IGSF9B: variants seen among roughly 807,000 people sequenced by gnomAD.
IGSF9B encodes the protein immunoglobulin superfamily member 9B.
In IGSF9B, 48 loss-of-function variants were observed where a neutral mutation model predicts 143.7. The observed-to-expected ratio is 0.33, with a 90% CI of 0.26 to 0.42. IGSF9B has a LOEUF of 0.42. Ranked by LOEUF, IGSF9B falls within the 20% of genes least tolerant of loss-of-function variation. The pLI is 1.00. For missense variants in IGSF9B, 1,706 were observed against 1,980.0 expected (o/e 0.86, Z 2.63); for synonymous variants, 903 against 833.1 (o/e 1.08, Z -1.44).
Position 133,926,960 on chromosome 11 carries a change from A to G in IGSF9B, c.1763T>C (p.Leu588Pro). The change falls in exon 13 of 20, where the codon CTG (leucine) becomes CCG (proline). Residue 588 changes from leucine (L) to proline (P), a missense_variant. By Grantham distance (98) the Leu-to-Pro change is moderately conservative. Transcript: ENST00000533871. ...CACCTCACTGAAGGCGCTGGTTCCC[A>G]GCTTGTTCTGGGCCAGGACGCTGAA... ...YQFSVLAQNKLGTSAFSEVVT... is the reference protein window; with the variant it reads ...YQFSVLAQNKPGTSAFSEVVT... 1 of 1,597,868 alleles carries G rather than the reference A, an allele frequency of 6.3e-7. No homozygotes were observed. Among genetic ancestry groups the G allele is most frequent in the East Asian group, 2.3e-5 (1 of 44,050 alleles).
At chr11:133,951,316 C>T (rs1158245190) in intron 1 of IGSF9B, among the ~76,000 whole-genome samples, 1 of 152,242 alleles carries the variant, frequency 6.6e-6, no homozygotes, top group Non-Finnish European at 1.5e-5. Context: ...AGAGCATTTC[C>T]ACCCTTCAGT....
rs962002341 is a variant in IGSF9B, at chr11:133,908,078, G to C, written c.*991C>G. Among the ~76,000 whole-genome samples the C allele has an allele frequency of 6.6e-6, 1 of 152,254 alleles. No homozygotes were observed. The highest frequency in any genetic ancestry group is 1.5e-5 in the Non-Finnish European group (1 of 68,048). On this transcript the variant is annotated 3_prime_UTR_variant, in exon 20 of 20. Coordinates refer to ENST00000533871, the MANE Select transcript of IGSF9B (RefSeq NM_001277285.4). ...GAGCCGGCAGCTTGGCGCTAGCACA[G>C]GTGGCTCCGCAGTGGGGAGACTTTG...
chr11:133,929,228 A>G (rs1179848573), intron 12 of IGSF9B, among the ~76,000 whole-genome samples: 1 of 152,204 alleles, frequency 6.6e-6, no homozygotes, highest in African/African-American at 2.4e-5. Flanking sequence ...CGTACCCCAT[A>G]CCTACAAACG....
intron 1 of IGSF9B, among the ~76,000 whole-genome samples, chr11:133,947,573 G>A (rs1008865378): frequency 2.0e-5 from 3 of 152,176 alleles, no homozygotes; most frequent in African/African-American, 2.4e-5. Flanking sequence ...TCCCCATTCC[G>A]GTGCCTCGGT....
At position 133,948,388 on chromosome 11, in the gene IGSF9B, G is replaced by A. The variant is rs1940097380; in HGVS notation, c.65-2130C>T. ...CAGAGCATTGCACTCACCTGCCTGA[G>A]GCCCCAGCATGCTTCCCAATTTCCC... On this transcript the variant is annotated intron_variant, in intron 1 of 19. Coordinates refer to ENST00000533871, the MANE Select transcript of IGSF9B (RefSeq NM_001277285.4). This position sits in a 1 kb window ranked among gnomAD's most constrained non-coding sequence, Gnocchi z 4.7. Among the ~76,000 whole-genome samples, 1 of 152,234 alleles carries A rather than the reference G, an allele frequency of 6.6e-6. No homozygotes were observed. Among genetic ancestry groups the A allele is most frequent in the East Asian group, 1.9e-4 (1 of 5,164 alleles).
chr11:133,940,955 G>A (rs185229187), intron 3 of IGSF9B, among the ~76,000 whole-genome samples: 4 of 152,030 alleles, frequency 2.6e-5, no homozygotes, highest in East Asian at 1.9e-4. Flanking sequence ...CTGCCTGCCC[G>A]GCCTGCCCCT....
chr11:133,909,795 A>G lies in IGSF9B; in HGVS notation c.4106-518T>C, dbSNP rs764567798. Among the ~76,000 whole-genome samples the G allele has an allele frequency of 2.6e-5, 4 of 152,244 alleles. No individual in the cohort carries two copies. Among genetic ancestry groups the G allele is most frequent in the Non-Finnish European group, 5.9e-5 (4 of 68,048 alleles). On this transcript the variant is annotated intron_variant, in intron 19 of 19. Coordinates refer to ENST00000533871, the MANE Select transcript of IGSF9B (RefSeq NM_001277285.4). The surrounding 1 kb of genome is among the most constrained non-coding windows in gnomAD (Gnocchi z 4.2). ...ATCAGGAATGCCTTTGCTAGCTTCAAAGACTATGCATCCATGTGAGGGTGC... is the reference window on the plus strand; with the variant it reads ...ATCAGGAATGCCTTTGCTAGCTTCAGAGACTATGCATCCATGTGAGGGTGC...
intron 18 of IGSF9B, chr11:133,912,352 C>T (rs184542012): frequency 2.9e-5 from 14 of 486,050 alleles, no homozygotes; most frequent in Admixed American, 9.2e-5. Flanking sequence ...GTAGGCTGAA[C>T]GTCTGGAGTT....
intron 7 of IGSF9B, among the ~76,000 whole-genome samples, chr11:133,933,566 C>T (rs1436668828): frequency 6.6e-6 from 1 of 152,164 alleles, no homozygotes; most frequent in East Asian, 1.9e-4. Flanking sequence ...GGCAATTTAG[C>T]GAGACTCCAA....
chr11:133,922,281 C>G, intron 16 of IGSF9B, 59 bp from the exon 17 acceptor site: 1 of 1,465,364 alleles, frequency 6.8e-7, no homozygotes, highest in East Asian at 2.3e-5. Context: ...ACGCAGCACG[C>G]GCATCTGCAG....
intron 1 of IGSF9B, among the ~76,000 whole-genome samples, chr11:133,954,566 A>G (rs1591729503): frequency 6.6e-6 from 1 of 152,186 alleles, no homozygotes; most frequent in South Asian, 2.1e-4. Flanking sequence ...TATAACAGGT[A>G]GTTGTTTTGT....
intron 1 of IGSF9B, among the ~76,000 whole-genome samples, chr11:133,955,603 T>A (rs1165590841): frequency 1.3e-5 from 2 of 152,196 alleles, no homozygotes; most frequent in Non-Finnish European, 2.9e-5. Context: ...TCCGGCTTGG[T>A]GAACTTGCCC....
At chr11:133,955,552 T>C (rs1591729980) in intron 1 of IGSF9B, among the ~76,000 whole-genome samples, 1 of 152,210 alleles carries the variant, frequency 6.6e-6, no homozygotes, top group East Asian at 1.9e-4. Context: ...TCCTGCCTGC[T>C]GACTCCCACC....
At chr11:133,956,136 A>C (rs1481569773) in intron 1 of IGSF9B, among the ~76,000 whole-genome samples, 1 of 152,080 alleles carries the variant, frequency 6.6e-6, no homozygotes, top group African/African-American at 2.4e-5. Flanking sequence ...TCCAGCTGCC[A>C]AGATGTGTGG....
At chr11:133,956,144 TGG>T (rs1940248171) in intron 1 of IGSF9B, among the ~76,000 whole-genome samples, 1 of 152,056 alleles carries the variant, frequency 6.6e-6, no homozygotes, top group Non-Finnish European at 1.5e-5. Flanking sequence ...CCAAGATGTG[TGG>T]GCAGGAGGGG....
intron 18 of IGSF9B, chr11:133,919,124 G>T (rs755315214): frequency 1.4e-5 from 5 of 368,420 alleles, no homozygotes; most frequent in East Asian, 9.8e-5. Flanking sequence ...TATACGGGGG[G>T]GGGGTGGGGG....
chr11:133,951,719 C>T (rs561939891), intron 1 of IGSF9B, among the ~76,000 whole-genome samples: 8 of 152,280 alleles, frequency 5.3e-5, no homozygotes, highest in African/African-American at 9.6e-5. Flanking sequence ...GAGGCCTGCC[C>T]GGCACTCACA....
chr11:133,916,482 G>A (rs574809836), intron 18 of IGSF9B, among the ~76,000 whole-genome samples: 36 of 152,186 alleles, frequency 2.4e-4, no homozygotes, highest in Non-Finnish European at 1.0e-4. Context: ...CCCAGCAGCC[G>A]TACCGGGGAG....
At chr11:133,949,522 G>T (rs564123) in intron 1 of IGSF9B, among the ~76,000 whole-genome samples, 53,220 of 151,968 alleles carry the variant, frequency 0.35, 10,446 homozygotes, top group Middle Eastern at 0.44. Context: ...AAATACAGGG[G>T]GAAACCAAAC....
Sources: allele counts gnomAD v4.1 joint callset (sites outside exome capture counted in the v4.1 genomes callset), GRCh38; gene constraint gnomAD v4.1.1; non-coding constraint Gnocchi (gnomAD v3.1); transcripts MANE v1.5; gene names NCBI Gene and HGNC (gene_info 2026-07-23, HGNC 2026-07-21).